BTBD1: variants seen among roughly 807,000 people sequenced by gnomAD.
BTBD1 encodes the protein BTB/POZ domain-containing protein 1.
BTBD1 carries 34 observed loss-of-function variants against 48.0 expected under a neutral mutation model. That is an observed-to-expected ratio of 0.71 (90% CI 0.54 to 0.94). The LOEUF is 0.94. Ranked by LOEUF, BTBD1 falls within the 40% of genes least tolerant of loss-of-function variation. BTBD1 has a pLI of 0.00. For missense variants in BTBD1, 543 were observed against 625.6 expected (o/e 0.87, Z 1.41); for synonymous variants, 261 against 242.1 (o/e 1.08, Z -0.72).
At chr15:83,042,794 A>G (rs1305371447) in intron 3 of BTBD1, among the ~76,000 whole-genome samples, 2 of 152,342 alleles carry the variant, frequency 1.3e-5, no homozygotes, top group South Asian at 4.1e-4. Context: ...AGTATCTTAG[A>G]TGATATACAT....
chr15:83,067,138 C>A lies in BTBD1; in HGVS notation c.14G>T (p.Gly5Val). ...CGCCTGCTCCCCAGCTGCGGCAGGC[C>A]CGAGTGAGGCCATCCTCCAGCTGCG... The part of the protein sequence containing the change: MASL[G>V]PAAAGEQASG... The change falls in exon 1 of 8, where the codon GGG (glycine) becomes GTG (valine). Residue 5 changes from glycine (G) to valine (V), a missense_variant. This residue lies in a region of BTBD1 where 173 missense variants were observed against 163.9 expected (regional missense o/e 1.06). Coordinates refer to ENST00000261721, the MANE Select transcript of BTBD1 (RefSeq NM_025238.4). The A allele has an allele frequency of 2.8e-6, 4 of 1,435,442 alleles. No homozygotes were observed. The highest frequency in any genetic ancestry group is 1.5e-5 in the South Asian group (1 of 65,250). 88.9% of individuals were successfully genotyped at this position (1,435,442 alleles called of 1,614,324 possible).
intron 4 of BTBD1, among the ~76,000 whole-genome samples, chr15:83,033,245 T>C (rs1051651273): frequency 6.6e-6 from 1 of 152,004 alleles, no homozygotes; most frequent in Non-Finnish European, 1.5e-5. Context: ...GATAAAGATG[T>C]TTTTAGACAA....
intron 7 of BTBD1, 140 bp downstream of exon 7, chr15:83,018,567 G>T: frequency 1.1e-6 from 1 of 889,234 alleles, no homozygotes. Context: ...CTTTTCGGAA[G>T]GCAGTGGAAT....
intron 5 of BTBD1, 39 bp downstream of exon 5, chr15:83,030,097 A>C: frequency 6.4e-7 from 1 of 1,563,422 alleles, no homozygotes; most frequent in Non-Finnish European, 8.8e-7. Flanking sequence ...GGTAACTGCT[A>C]CCCCCACTCT....
At chr15:83,061,260 T>C (rs182861026) in intron 1 of BTBD1, among the ~76,000 whole-genome samples, 25 of 152,184 alleles carry the variant, frequency 1.6e-4, no homozygotes, top group African/African-American at 5.1e-4. Flanking sequence ...ACATGGAAAA[T>C]GCACAGTAAA....
chr15:83,041,981 G>T, intron 3 of BTBD1, 56 bp from the exon 4 acceptor site: 1 of 1,456,578 alleles, frequency 6.9e-7, no homozygotes, highest in Non-Finnish European at 9.6e-7. Context: ...CTCTAACCAA[G>T]CAATACCAAC....
chr15:83,048,413 G>A (rs899843508), intron 3 of BTBD1, among the ~76,000 whole-genome samples: 18 of 152,250 alleles, frequency 1.2e-4, no homozygotes, highest in Admixed American at 7.2e-4. Context: ...CTGAAGATAC[G>A]TATTTTGGGT....
At chr15:83,020,524 A>G in intron 6 of BTBD1, 151 bp downstream of exon 6, 1 of 568,218 alleles carries the variant, frequency 1.8e-6, no homozygotes, top group South Asian at 2.7e-5. Context: ...GATCAACTCT[A>G]AAACAGAACT....
chr15:83,059,312 AAGGC>A (rs2033140519), intron 1 of BTBD1, among the ~76,000 whole-genome samples: 1 of 151,730 alleles, frequency 6.6e-6, no homozygotes. Flanking sequence ...TTGGGAGGCA[AAGGC>A]AGGTGGATCA....
rs376287841 is a variant in BTBD1 at position 83,056,557 on chromosome 15, T to C, written c.402-12A>G. Reference sequence around the variant, plus strand: ...CTGAATATAGAAATCTGGAAAACAATTGGCATATTTGCAGAGATGGTCAGT... The same window carrying C: ...CTGAATATAGAAATCTGGAAAACAACTGGCATATTTGCAGAGATGGTCAGT... On this transcript the variant is annotated splice_polypyrimidine_tract_variant and intron_variant, in intron 1 of 7. Transcript: ENST00000261721. The C allele has an allele frequency of 5.6e-6, 9 of 1,611,300 alleles. No homozygotes were observed. The highest frequency in any genetic ancestry group is 4.5e-5 in the East Asian group (2 of 44,848).
chr15:83,028,152 TATA>T (rs1223385947), intron 5 of BTBD1, among the ~76,000 whole-genome samples: 1 of 152,220 alleles, frequency 6.6e-6, no homozygotes, highest in Non-Finnish European at 1.5e-5. Flanking sequence ...CAATCAGAAT[TATA>T]ATAACACTGC....
At chr15:83,053,490 T>C (rs781239023) in intron 2 of BTBD1, among the ~76,000 whole-genome samples, 7 of 152,182 alleles carry the variant, frequency 4.6e-5, no homozygotes, top group Non-Finnish European at 7.3e-5. Flanking sequence ...CTGTTAGAAA[T>C]GTACTCTGAG....
chr15:83,045,877 TA>T (rs199682029), intron 3 of BTBD1, among the ~76,000 whole-genome samples: 12 of 147,370 alleles, frequency 8.1e-5, no homozygotes, highest in East Asian at 7.9e-4. Flanking sequence ...ACTTTATTAC[TA>T]AAAAAAAAAG....
intron 4 of BTBD1, among the ~76,000 whole-genome samples, chr15:83,035,154 C>T (rs773279490): frequency 6.6e-6 from 1 of 151,808 alleles, no homozygotes; most frequent in African/African-American, 2.4e-5. Context: ...ATTAGCCGAG[C>T]GTGGCACCGC....
intron 2 of BTBD1, among the ~76,000 whole-genome samples, chr15:83,054,067 G>A (rs957302995): frequency 8.5e-5 from 13 of 152,180 alleles, no homozygotes; most frequent in South Asian, 2.1e-4. Flanking sequence ...GGCGAGGCAC[G>A]GTGGCTCACG....
chr15:83,044,389 G>C, intron 3 of BTBD1: 1 of 1,550,344 alleles, frequency 6.5e-7, no homozygotes, highest in Non-Finnish European at 8.8e-7. Context: ...TCAGCAGCTG[G>C]GAGGAAGATG....
At chr15:83,062,386 G>A (rs901411919) in intron 1 of BTBD1, among the ~76,000 whole-genome samples, 1 of 152,150 alleles carries the variant, frequency 6.6e-6, no homozygotes, top group Non-Finnish European at 1.5e-5. Flanking sequence ...GGAGTGAAAC[G>A]AAACTACAAT....
chr15:83,033,500 A>G (rs1379300930), intron 4 of BTBD1, among the ~76,000 whole-genome samples: 1 of 152,216 alleles, frequency 6.6e-6, no homozygotes, highest in Non-Finnish European at 1.5e-5. Context: ...TAGTAGCACC[A>G]AAGGCTAGAG....
At chr15:83,042,698 A>G (rs28540116) in intron 3 of BTBD1, among the ~76,000 whole-genome samples, 12,245 of 152,180 alleles carry the variant, frequency 0.08, 550 homozygotes, top group African/African-American at 0.11. Context: ...CTGATATATC[A>G]CTGAACAAAA....
Sources: allele counts gnomAD v4.1 joint callset (sites outside exome capture counted in the v4.1 genomes callset), GRCh38; gene constraint gnomAD v4.1.1; regional missense constraint gnomAD v4.1.1; transcripts MANE v1.5; gene names NCBI Gene and HGNC (gene_info 2026-07-23, HGNC 2026-07-21).